The following ARHGAP24 variants were observed in gnomAD, a reference collection of about 807,000 sequenced individuals.
ARHGAP24 encodes the protein rho GTPase-activating protein 24.
ARHGAP24 carries 50 observed loss-of-function variants against 76.4 expected under a neutral mutation model. The ratio of observed to expected loss-of-function variants is 0.65; its 90% CI spans 0.52 to 0.83. The LOEUF is 0.83. Among genes scored for constraint, ARHGAP24 ranks in the 40% least tolerant of loss-of-function variants. ARHGAP24 has a pLI of 0.00. For synonymous variants in ARHGAP24, 345 were observed against 323.3 expected (o/e 1.07, Z -0.72); for missense variants, 930 against 914.2 (o/e 1.02, Z -0.22).
intron 2 of ARHGAP24, among the ~76,000 whole-genome samples, chr4:85,610,244 C>T (rs1288526158): frequency 6.6e-6 from 1 of 151,830 alleles, no homozygotes; most frequent in East Asian, 1.9e-4. Flanking sequence ...GAGATTGAGA[C>T]CATCCTGGCT....
intron 2 of ARHGAP24, among the ~76,000 whole-genome samples, chr4:85,682,237 T>C (rs943928011): frequency 2.0e-5 from 3 of 152,218 alleles, no homozygotes; most frequent in Non-Finnish European, 2.9e-5. Flanking sequence ...AAGCCACAGA[T>C]AGAACAGAAT....
chr4:85,997,699 G>T (rs548071527), intron 9 of ARHGAP24, among the ~76,000 whole-genome samples: 1 of 151,260 alleles, frequency 6.6e-6, no homozygotes, highest in African/African-American at 2.4e-5. Context: ...TGTTGCCCAC[G>T]CTGGAGAGTG....
intron 3 of ARHGAP24, among the ~76,000 whole-genome samples, chr4:85,760,000 G>A (rs1369030316): frequency 6.6e-6 from 1 of 152,078 alleles, no homozygotes; most frequent in Admixed American, 6.6e-5. Flanking sequence ...GTTACAGATA[G>A]CTGTGGGGTT....
intron 1 of ARHGAP24, among the ~76,000 whole-genome samples, chr4:85,487,789 TATAAATATATATTTATTAC>T (rs1560505758): frequency 3.6e-5 from 4 of 111,426 alleles, no homozygotes; most frequent in Non-Finnish European, 6.7e-5. Flanking sequence ...TTATATATTA[TATAAATATATATTTATTAC>T]ATATTATATA....
At position 85,764,926 on chromosome 4, in the gene ARHGAP24, C is replaced by T. The variant is rs183400178; in HGVS notation, c.268+42954C>T. On this transcript the variant is annotated intron_variant, in intron 3 of 9. Transcript: ENST00000395184. ...ACAAACCAGTATACTTGTTCCTTGC[C>T]CCTTGAAAGGCATATGTTATCATAG... Among the ~76,000 whole-genome samples the T allele has an allele frequency of 2.2e-3, 331 of 152,146 alleles. 1 individual carries two copies. Among genetic ancestry groups the T allele is most frequent in the South Asian group, 0.017 (82 of 4,820 alleles).
intron 1 of ARHGAP24, among the ~76,000 whole-genome samples, chr4:85,499,351 A>T (rs552428967): frequency 2.6e-5 from 4 of 152,248 alleles, no homozygotes; most frequent in African/African-American, 9.6e-5. Flanking sequence ...ATGTTAATGA[A>T]ATACTCTGCT....
chr4:85,746,326 A>AT (rs1273554461), intron 3 of ARHGAP24, among the ~76,000 whole-genome samples: 2 of 152,206 alleles, frequency 1.3e-5, no homozygotes, highest in Non-Finnish European at 2.9e-5. Context: ...TCTTTTGAGT[A>AT]TCTGACTGAT....
At chr4:85,725,402 G>C (rs1725131978) in intron 3 of ARHGAP24, among the ~76,000 whole-genome samples, 1 of 152,154 alleles carries the variant, frequency 6.6e-6, no homozygotes, top group South Asian at 2.1e-4. Context: ...TGTTGCATAG[G>C]ACCTTTTCTC....
At chr4:85,742,783 A>T (rs72656271) in intron 3 of ARHGAP24, among the ~76,000 whole-genome samples, 8,459 of 152,268 alleles carry the variant, frequency 0.056, 324 homozygotes, top group Middle Eastern at 0.092. Context: ...GCTAGCCTGT[A>T]CGTTTCTTAG....
At chr4:85,661,513 CCTAA>C (rs1480156273) in intron 2 of ARHGAP24, among the ~76,000 whole-genome samples, 70 of 151,794 alleles carry the variant, frequency 4.6e-4, no homozygotes, top group Middle Eastern at 3.4e-3. Context: ...ATAGCTTCTG[CCTAA>C]CTTTTTTTTT....
intron 1 of ARHGAP24, among the ~76,000 whole-genome samples, chr4:85,478,596 C>T (rs553086861): frequency 1.1e-4 from 16 of 152,322 alleles, no homozygotes; most frequent in Admixed American, 9.8e-4. Context: ...TTATCTAAAA[C>T]CTTTGTTGGA....
At chr4:85,729,004 G>A (rs1725284479) in intron 3 of ARHGAP24, among the ~76,000 whole-genome samples, 1 of 152,118 alleles carries the variant, frequency 6.6e-6, no homozygotes. Context: ...AGTTAAATAT[G>A]CTGCTTAGGC....
chr4:85,672,632 A>G (rs187428401), intron 2 of ARHGAP24, among the ~76,000 whole-genome samples: 1 of 152,264 alleles, frequency 6.6e-6, no homozygotes, highest in Admixed American at 6.5e-5. Context: ...AACCAAAAAG[A>G]GAGGTATTCC....
intron 2 of ARHGAP24, among the ~76,000 whole-genome samples, chr4:85,669,658 T>TGTG (rs1321677870): frequency 1.8e-5 from 1 of 55,852 alleles, no homozygotes; most frequent in Non-Finnish European, 3.5e-5. Flanking sequence ...TATATATATA[T>TGTG]ATATATATAT....
intron 2 of ARHGAP24, among the ~76,000 whole-genome samples, chr4:85,625,138 T>G (rs1159507860): frequency 6.6e-6 from 1 of 152,182 alleles, no homozygotes; most frequent in Non-Finnish European, 1.5e-5. Flanking sequence ...TGCTCTTGCT[T>G]TTCTAGTTCT....
intron 2 of ARHGAP24, among the ~76,000 whole-genome samples, chr4:85,618,886 A>G (rs4693718): frequency 0.6 from 91,268 of 151,938 alleles, 28,297 homozygotes; most frequent in African/African-American, 0.66. Flanking sequence ...ACGCCTTATC[A>G]GATATAGTTA....
intron 3 of ARHGAP24, among the ~76,000 whole-genome samples, chr4:85,857,531 T>C (rs1218810298): frequency 6.6e-6 from 1 of 152,194 alleles, no homozygotes; most frequent in African/African-American, 2.4e-5. Flanking sequence ...AACCCATTTA[T>C]TTTTCCTCAT....
intron 1 of ARHGAP24, among the ~76,000 whole-genome samples, chr4:85,548,038 A>AGGG: frequency 6.6e-6 from 1 of 151,032 alleles, no homozygotes; most frequent in African/African-American, 2.4e-5. Flanking sequence ...TTCTATGTCT[A>AGGG]TAATCCATTA....
intron 1 of ARHGAP24, among the ~76,000 whole-genome samples, chr4:85,534,944 A>G (rs1234564703): frequency 6.7e-6 from 1 of 150,294 alleles, no homozygotes; most frequent in Non-Finnish European, 1.5e-5. Context: ...AAAAAAAAAA[A>G]GAAAGAAAAC....
Sources: gnomAD v4.1 joint callset for allele counts (sites outside exome capture counted in the v4.1 genomes callset) on GRCh38, gnomAD v4.1.1 for gene constraint, MANE v1.5 for transcripts, NCBI Gene and HGNC (gene_info 2026-07-23, HGNC 2026-07-21) for gene names.